Variants in IL1RAPL1 observed in about 807,000 individuals in gnomAD.
The protein encoded by IL1RAPL1 is interleukin-1 receptor accessory protein-like 1.
A neutral mutation model predicts 48.4 loss-of-function variants in IL1RAPL1; 3 were observed. The ratio of observed to expected loss-of-function variants is 0.06; its 90% CI spans 0.03 to 0.16. IL1RAPL1 has a LOEUF of 0.16. Among genes scored for constraint, IL1RAPL1 ranks in the 10% least tolerant of loss-of-function variants. The probability of loss-of-function intolerance (pLI) is 1.00; values close to 1 mark genes in which losing one functional copy is unlikely to be tolerated. For synonymous variants in IL1RAPL1, 185 were observed against 187.7 expected (o/e 0.99, Z 0.12); for missense variants, 349 against 530.6 (o/e 0.66, Z 3.36).
At chrX:28,893,776 AAG>A (rs1320500427) in intron 2 of IL1RAPL1, among the ~76,000 whole-genome samples, 2 of 111,967 alleles carry the variant, frequency 1.8e-5, no homozygotes, top group African/African-American at 6.5e-5. Flanking sequence ...ACCTACACAG[AAG>A]AGGTTATGAA....
At chrX:29,081,726 A>T (rs1166109219) in intron 2 of IL1RAPL1, among the ~76,000 whole-genome samples, 1 of 111,377 alleles carries the variant, frequency 9.0e-6, no homozygotes, top group Non-Finnish European at 1.9e-5. Context: ...GCAATAAAAA[A>T]TGGCATACGT....
At chrX:29,936,678 AAACAAT>A (rs1933039309) in intron 8 of IL1RAPL1, among the ~76,000 whole-genome samples, 1 of 111,605 alleles carries the variant, frequency 9.0e-6, no homozygotes, top group African/African-American at 3.3e-5. Context: ...AAATGTTTGC[AAACAAT>A]AACACCAGGT....
At chrX:28,776,327 A>C (rs1188542030) in intron 1 of IL1RAPL1, among the ~76,000 whole-genome samples, 2 of 111,702 alleles carry the variant, frequency 1.8e-5, no homozygotes, top group African/African-American at 6.5e-5. Flanking sequence ...ACCATATGCT[A>C]AGTACTGGGA....
At chrX:28,832,506 T>C (rs1601922779) in intron 2 of IL1RAPL1, among the ~76,000 whole-genome samples, 2 of 111,303 alleles carry the variant, frequency 1.8e-5, no homozygotes, top group Non-Finnish European at 3.8e-5. Context: ...ATTAAACATT[T>C]GTTGTCATTT....
intron 3 of IL1RAPL1, among the ~76,000 whole-genome samples, chrX:29,288,003 G>C (rs1932310267): frequency 9.0e-6 from 1 of 110,825 alleles, no homozygotes; most frequent in Non-Finnish European, 1.9e-5. Flanking sequence ...ATTTTTCCTT[G>C]TTTTATTTTT....
chrX:29,633,468 T>TATATATACAC (rs762146549), intron 5 of IL1RAPL1, among the ~76,000 whole-genome samples: 6 of 97,731 alleles, frequency 6.1e-5, no homozygotes, highest in African/African-American at 1.9e-4. Flanking sequence ...GATATATATA[T>TATATATACAC]ACACACACAC....
At chrX:28,712,833 A>G (rs911378765) in intron 1 of IL1RAPL1, among the ~76,000 whole-genome samples, 1 of 111,117 alleles carries the variant, frequency 9.0e-6, no homozygotes, top group Non-Finnish European at 1.9e-5. Flanking sequence ...ATTTTTTTTA[A>G]AAAAAGAGAA....
At chrX:28,838,447 G>A (rs1921282076) in intron 2 of IL1RAPL1, among the ~76,000 whole-genome samples, 1 of 111,087 alleles carries the variant, frequency 9.0e-6, no homozygotes, top group African/African-American at 3.3e-5. Flanking sequence ...AAAGGGGTTA[G>A]TATTCCCCAA....
At chrX:29,296,815 A>AAT (rs1932457023) in intron 3 of IL1RAPL1, among the ~76,000 whole-genome samples, 1 of 111,861 alleles carries the variant, frequency 8.9e-6, no homozygotes, top group Admixed American at 9.5e-5. Flanking sequence ...CTATGATTAG[A>AAT]ATATATATAA....
chrX:29,891,773 A>G (rs1189142816), intron 6 of IL1RAPL1, among the ~76,000 whole-genome samples: 1 of 111,629 alleles, frequency 9.0e-6, no homozygotes, highest in South Asian at 3.8e-4. Context: ...TATAAAGGAG[A>G]TGAGAACAAT....
chrX:29,094,881 G>GGTATTAAC (rs1928181241), intron 2 of IL1RAPL1, among the ~76,000 whole-genome samples: 2 of 99,420 alleles, frequency 2.0e-5, no homozygotes, highest in Non-Finnish European at 4.0e-5. Context: ...CTCACTGCCT[G>GGTATTAAC]GTATTAACTA....
At chrX:29,404,455 T>C (rs765408628) in intron 5 of IL1RAPL1, among the ~76,000 whole-genome samples, 1 of 111,447 alleles carries the variant, frequency 9.0e-6, no homozygotes, top group South Asian at 3.8e-4. Flanking sequence ...ATATATATTT[T>C]AGTGATAGCC....
At chrX:29,363,361 C>A (rs1933402176) in intron 3 of IL1RAPL1, among the ~76,000 whole-genome samples, 1 of 111,615 alleles carries the variant, frequency 9.0e-6, no homozygotes, top group African/African-American at 3.3e-5. Flanking sequence ...CCTGTCATAT[C>A]TATTTTTAAG....
intron 2 of IL1RAPL1, among the ~76,000 whole-genome samples, chrX:28,794,988 A>G (rs1291079548): frequency 1.8e-5 from 2 of 111,443 alleles, no homozygotes; most frequent in Non-Finnish European, 1.9e-5. Flanking sequence ...CACATGATTA[A>G]GAGACAACCT....
chrX:29,412,601 A>G (rs1833734595), intron 5 of IL1RAPL1, among the ~76,000 whole-genome samples: 2 of 112,277 alleles, frequency 1.8e-5, no homozygotes, highest in South Asian at 7.3e-4. Flanking sequence ...TTTTAAATGT[A>G]GCTGCTAGAA....
chrX:29,001,287 GA>G (rs1270928245), intron 2 of IL1RAPL1, among the ~76,000 whole-genome samples: 2 of 111,584 alleles, frequency 1.8e-5, no homozygotes, highest in Non-Finnish European at 3.8e-5. Context: ...CACTTAATGA[GA>G]AAAAAAGTCT....
At chrX:29,455,065 A>C (rs1934723259) in intron 5 of IL1RAPL1, among the ~76,000 whole-genome samples, 1 of 111,509 alleles carries the variant, frequency 9.0e-6, no homozygotes, top group Non-Finnish European at 1.9e-5. Flanking sequence ...AATCATTTTA[A>C]ATAAAGTCTG....
chrX:29,048,194 A>G lies in IL1RAPL1; in HGVS notation c.83-234744A>G, dbSNP rs1039878564. The stretch of plus-strand genomic sequence containing the variant: ...TAAATTAATGAAGAATGAATTATGT[A>G]TGTAATGTAGTTCAACTTACTACAT... On this transcript the variant is annotated intron_variant, in intron 2 of 10. Transcript: ENST00000378993. Among the ~76,000 whole-genome samples, 2 of 112,288 alleles carry G rather than the reference A, an allele frequency of 1.8e-5. 1 individual carries two copies. The highest frequency in any genetic ancestry group is 7.3e-4 in the South Asian group (2 of 2,729).
chrX:28,629,420 A>G (rs1210100519), intron 1 of IL1RAPL1, among the ~76,000 whole-genome samples: 2 of 111,695 alleles, frequency 1.8e-5, no homozygotes, highest in Non-Finnish European at 3.8e-5. Context: ...TCACTGGGGG[A>G]CCTTACTATG....
Sources: allele counts gnomAD v4.1 joint callset (sites outside exome capture counted in the v4.1 genomes callset), GRCh38; gene constraint gnomAD v4.1.1; transcripts MANE v1.5; gene names NCBI Gene and HGNC (gene_info 2026-07-23, HGNC 2026-07-21).